The following ABI3BP variants were observed in gnomAD, a reference collection of about 807,000 sequenced individuals.
ABI3BP encodes ABI family member 3 binding protein, also known as target of Nesh-SH3.
ABI3BP carries 216 observed loss-of-function variants against 268.6 expected under a neutral mutation model. The ratio of observed to expected loss-of-function variants is 0.80; its 90% CI spans 0.72 to 0.90. ABI3BP has a LOEUF of 0.90. ABI3BP is among the 40% of genes least tolerant of loss of function. The pLI, the probability that ABI3BP is intolerant of heterozygous loss-of-function variation, is 0.00. For synonymous variants in ABI3BP, 730 were observed against 730.0 expected (o/e 1.00, Z 0.00); for missense variants, 2,090 against 2,182.4 (o/e 0.96, Z 0.84).
At chr3:100,906,384 A>G (rs2053455012) in intron 2 of ABI3BP, among the ~76,000 whole-genome samples, 1 of 152,238 alleles carries the variant, frequency 6.6e-6, no homozygotes, top group South Asian at 2.1e-4. Context: ...CTGCTCATTA[A>G]ATATTTCCAA....
chr3:100,856,920 C>A (rs1201331059), intron 14 of ABI3BP, among the ~76,000 whole-genome samples: 3 of 152,098 alleles, frequency 2.0e-5, no homozygotes, highest in Non-Finnish European at 4.4e-5. Flanking sequence ...CTCATTGATC[C>A]AAGAAGGACC....
chr3:100,769,301 T>A (rs1170587905), intron 62 of ABI3BP, among the ~76,000 whole-genome samples: 2 of 152,200 alleles, frequency 1.3e-5, no homozygotes, highest in Admixed American at 6.5e-5. Flanking sequence ...AAAATTGTTA[T>A]AAGTCCTCTG....
intron 56 of ABI3BP, 57 bp downstream of exon 56, chr3:100,789,397 C>T: frequency 2.6e-6 from 4 of 1,531,856 alleles, no homozygotes; most frequent in Non-Finnish European, 3.5e-6. Context: ...CTATTTCAGT[C>T]CATTTCATAT....
chr3:100,938,330 T>C (rs2067224219), intron 1 of ABI3BP, among the ~76,000 whole-genome samples: 1 of 149,714 alleles, frequency 6.7e-6, no homozygotes, highest in South Asian at 2.1e-4. Context: ...AACATAGGGA[T>C]TGGCAATAAT....
intron 13 of ABI3BP, 198 bp downstream of exon 13, chr3:100,862,639 TG>T: frequency 1.7e-6 from 1 of 587,832 alleles, no homozygotes; most frequent in Non-Finnish European, 2.9e-6. Flanking sequence ...AAGTGGATTA[TG>T]TGGAATTAAG....
chr3:100,759,470 G>T (rs1376375859), intron 63 of ABI3BP, among the ~76,000 whole-genome samples: 1 of 152,066 alleles, frequency 6.6e-6, no homozygotes, highest in Non-Finnish European at 1.5e-5. Flanking sequence ...ACAAAATAAG[G>T]CTAAATCAGG....
chr3:100,885,636 T>C (rs1451776910), intron 5 of ABI3BP, 48 bp from the exon 6 acceptor site: 1 of 1,172,224 alleles, frequency 8.5e-7, no homozygotes, highest in East Asian at 2.6e-5. Flanking sequence ...TCCTTGCTCC[T>C]AAATCAACTC....
intron 1 of ABI3BP, among the ~76,000 whole-genome samples, chr3:100,937,179 A>T (rs1175752332): frequency 2.0e-5 from 3 of 152,204 alleles, no homozygotes; most frequent in South Asian, 4.1e-4. Context: ...GAATGGCTGA[A>T]ATTAAAGACT....
In ABI3BP at chr3:100,765,862, T is replaced by C. The variant is rs1467074039; in HGVS notation, c.4829A>G (p.Glu1610Gly). Residue 1610 changes from glutamate (E) to glycine (G), a missense_variant, in exon 63 of 68, where the codon GAA (glutamate) becomes GGA (glycine). By Grantham distance (98) the Glu-to-Gly change is moderately conservative. Coordinates refer to ENST00000471714, the MANE Select transcript of ABI3BP (RefSeq NM_001375547.2). ...TTACCTCGTGTTTGGTTTCAGATTT[T>C]CTACTGTGGAAAATGTCTGATTTGT... ...QMTNQTFSTV[E>G]NLKPNTSYEF... The C allele has an allele frequency of 6.2e-7, 1 of 1,610,748 alleles. No individual in the cohort carries two copies.
intron 63 of ABI3BP, among the ~76,000 whole-genome samples, chr3:100,763,416 T>A (rs2096084054): frequency 6.8e-6 from 1 of 147,190 alleles, no homozygotes; most frequent in Non-Finnish European, 1.5e-5. Flanking sequence ...TGAGCCGAGA[T>A]CACACCATTG....
At chr3:100,976,967 C>T (rs1003445443) in intron 1 of ABI3BP, among the ~76,000 whole-genome samples, 4 of 152,228 alleles carry the variant, frequency 2.6e-5, no homozygotes, top group Non-Finnish European at 5.9e-5. Context: ...CCTTTAGCTG[C>T]TCTAAACTAC....
chr3:100,989,087 G>T (rs1302738922), intron 1 of ABI3BP, among the ~76,000 whole-genome samples: 1 of 152,152 alleles, frequency 6.6e-6, no homozygotes. Flanking sequence ...CCTGTGAATG[G>T]GATTGGGTGC....
intron 37 of ABI3BP, among the ~76,000 whole-genome samples, chr3:100,823,166 A>G (rs777018000): frequency 5.3e-5 from 8 of 152,196 alleles, no homozygotes; most frequent in Non-Finnish European, 1.0e-4. Context: ...TTATCTGTCC[A>G]GGAAGGAGTT....
chr3:100,963,976 T>C (rs2080226116), intron 1 of ABI3BP, among the ~76,000 whole-genome samples: 1 of 152,198 alleles, frequency 6.6e-6, no homozygotes. Flanking sequence ...ACAAAGAACA[T>C]TCATCTTAGT....
chr3:100,756,294 G>A (rs1337491659), intron 63 of ABI3BP, among the ~76,000 whole-genome samples: 1 of 152,218 alleles, frequency 6.6e-6, no homozygotes, highest in Non-Finnish European at 1.5e-5. Context: ...GGAGGCCGAG[G>A]CAGGCAGATC....
intron 56 of ABI3BP, among the ~76,000 whole-genome samples, chr3:100,788,248 T>C (rs1282120411): frequency 6.6e-6 from 1 of 152,006 alleles, no homozygotes; most frequent in Non-Finnish European, 1.5e-5. Flanking sequence ...GGTACAGAGG[T>C]TTCATTATAC....
At chr3:100,797,269 T>G (rs746063065) in intron 51 of ABI3BP, among the ~76,000 whole-genome samples, 4 of 152,138 alleles carry the variant, frequency 2.6e-5, no homozygotes, top group Non-Finnish European at 5.9e-5. Context: ...ATTGGAAACT[T>G]GGTACCGTAT....
chr3:100,768,238 G>A (rs1006811725), intron 62 of ABI3BP, among the ~76,000 whole-genome samples: 8 of 151,990 alleles, frequency 5.3e-5, no homozygotes, highest in South Asian at 4.2e-4. Flanking sequence ...ACAGGCGCCC[G>A]CCACCACACC....
chr3:100,806,009 A>G (rs1357781151), intron 50 of ABI3BP, among the ~76,000 whole-genome samples: 1 of 152,070 alleles, frequency 6.6e-6, no homozygotes, highest in East Asian at 1.9e-4. Context: ...TAGGTATACA[A>G]TTAATAATAT....
Sources: allele counts gnomAD v4.1 joint callset (sites outside exome capture counted in the v4.1 genomes callset), GRCh38; gene constraint gnomAD v4.1.1; transcripts MANE v1.5; gene names NCBI Gene and HGNC (gene_info 2026-07-23, HGNC 2026-07-21).